HMMR: variants seen among roughly 807,000 people sequenced by gnomAD.
The protein encoded by HMMR is intracellular hyaluronic acid-binding protein.
Under a neutral mutation model 101.0 loss-of-function variants are expected in HMMR, and 108 were observed. The ratio of observed to expected loss-of-function variants is 1.07; its 90% CI spans 0.92 to 1.25. HMMR has a LOEUF of 1.25. Ranked by LOEUF, HMMR falls within the 50% of genes most tolerant of loss-of-function variation. The probability of loss-of-function intolerance (pLI) is 0.00; values close to 1 mark genes in which losing one functional copy is unlikely to be tolerated. For synonymous variants in HMMR, 296 were observed against 276.4 expected (o/e 1.07, Z -0.70); for missense variants, 813 against 788.7 (o/e 1.03, Z -0.37).
chr5:163,490,373 T>C lies in HMMR; in HGVS notation c.1963-17T>C, dbSNP rs963646628. ...TCTTTAATAATTGTTTATTACCTAT[T>C]ATTTCTTTTTACCTAGGAAGTATCA... On this transcript the variant is annotated splice_polypyrimidine_tract_variant and intron_variant, in intron 16 of 17. Coordinates refer to ENST00000393915, the MANE Select transcript of HMMR (RefSeq NM_001142556.2). 8 of 1,495,144 alleles carry C rather than the reference T, an allele frequency of 5.4e-6. No homozygotes were observed. The highest frequency in any genetic ancestry group is 2.0e-4 in the Middle Eastern group (1 of 5,040). 92.6% of individuals were successfully genotyped at this position (1,495,144 alleles called of 1,614,324 possible).
intron 16 of HMMR, among the ~76,000 whole-genome samples, chr5:163,489,861 G>A (rs1759621017): frequency 6.6e-6 from 1 of 152,230 alleles, no homozygotes; most frequent in African/African-American, 2.4e-5. Flanking sequence ...AGGGCCCTGT[G>A]CTTTTGGCTG....
intron 11 of HMMR, 94 bp from the exon 12 acceptor site, chr5:163,478,590 A>G (rs1759145918): frequency 2.6e-6 from 2 of 763,432 alleles, no homozygotes; most frequent in Non-Finnish European, 4.7e-6. Flanking sequence ...GATATGAGCT[A>G]TATGATTCAC....
chr5:163,468,017 A>G (rs1758757208), intron 4 of HMMR, among the ~76,000 whole-genome samples: 1 of 152,222 alleles, frequency 6.6e-6, no homozygotes, highest in African/African-American at 2.4e-5. Flanking sequence ...AGTTGATTAC[A>G]ATTATATATG....
At chr5:163,475,972 C>T (rs1323703666) in intron 11 of HMMR, among the ~76,000 whole-genome samples, 1 of 152,020 alleles carries the variant, frequency 6.6e-6, no homozygotes, top group Non-Finnish European at 1.5e-5. Context: ...CACTTCTTTA[C>T]TACTCTGCTA....
chr5:163,490,650 T>C, intron 17 of HMMR, 98 bp downstream of exon 17: 2 of 854,598 alleles, frequency 2.3e-6, no homozygotes, highest in Non-Finnish European at 3.8e-6. Context: ...GAAAATTTGT[T>C]GACACCTTCT....
Position 163,483,145 on chromosome 5 carries a change from GA to G in HMMR, c.1662del (p.Lys554AsnfsTer20). 6.2e-7 allele frequency: 1 copy of G among 1,611,848 alleles called. No homozygotes were observed. Among genetic ancestry groups the G allele is most frequent in the South Asian group, 1.1e-5 (1 of 90,666 alleles). ...CTCAAGCAACAGGAGGAAGACTTTA[GA>G]AAACAGCTGGAAGATGAAGAAGGAA... The part of the protein sequence containing the change: ...NQLKQQEEDF[R>X]KQLEDEEGRK... On this transcript the variant is annotated frameshift_variant, in exon 14 of 18. Transcript: ENST00000393915. LOFTEE classifies it high-confidence loss of function.
rs746671465 is a variant in HMMR at position 163,482,673 on chromosome 5, G to GATCT, written c.1418_1421dup (p.Lys475SerfsTer2). ...AGCGTTAACAGCCAGTGAGATAGAA[G>GATCT]ATCTTAAGCTGGAGAACTCATCATT... On this transcript the variant is annotated frameshift_variant, in exon 13 of 18. Transcript: ENST00000393915. LOFTEE classifies it high-confidence loss of function. 6.2e-7 allele frequency: 1 copy of GATCT among 1,612,320 alleles called. No homozygotes were observed. The highest frequency in any genetic ancestry group is 8.5e-7 in the Non-Finnish European group (1 of 1,178,454).
Position 163,472,657 on chromosome 5 carries a change from T to C in HMMR, c.651-522T>C, listed in dbSNP as rs1758935351. On this transcript the variant is annotated intron_variant, in intron 7 of 17. Coordinates refer to ENST00000393915, the MANE Select transcript of HMMR (RefSeq NM_001142556.2). ...TAGGTAGGAAGTGGTATCTCCTTTG[T>C]GATTTTAATTTGTTACCATGAATGT... Among the ~76,000 whole-genome samples, 4 of 152,212 alleles carry C rather than the reference T, an allele frequency of 2.6e-5. No homozygotes were observed. In the South Asian group the frequency reaches 8.3e-4, roughly 31 times the overall value.
At chr5:163,462,621 G>A (rs565045422) in intron 1 of HMMR, among the ~76,000 whole-genome samples, 33 of 152,124 alleles carry the variant, frequency 2.2e-4, no homozygotes, top group African/African-American at 7.9e-4. Flanking sequence ...GAGGTCAGGA[G>A]TTCAAGACCA....
Position 163,483,359 on chromosome 5 carries a change from C to A in HMMR, c.1777C>A (p.Pro593Thr), listed in dbSNP as rs748576185. 2.6e-6 allele frequency: 4 copies of A among 1,560,842 alleles called. No homozygotes were observed. The highest frequency in any genetic ancestry group is 1.4e-5 in the African/African-American group (1 of 73,408). The part of the protein sequence containing the change: ...LYEELYNKTK[P>T]FQLQLDAFEV... ...TGAAGAACTATATAATAAAACAAAA[C>A]CTTTTCAGGTTTGTCAGTTAGGAGT... The change falls in exon 15 of 18, where the codon CCT becomes ACT. Residue 593 changes from proline to threonine, a missense_variant. By Grantham distance (38) the Pro-to-Thr change is conservative. Transcript: ENST00000393915.
intron 3 of HMMR, among the ~76,000 whole-genome samples, chr5:163,465,963 CAAAAAA>C (rs113595179): frequency 2.3e-5 from 2 of 85,642 alleles, no homozygotes; most frequent in South Asian, 4.2e-4. Flanking sequence ...TCAGTCTCTC[CAAAAAA>C]AAAAAAAAAG....
chr5:163,482,927 T>C, intron 13 of HMMR, 93 bp from the exon 14 acceptor site: 1 of 1,362,570 alleles, frequency 7.3e-7, no homozygotes, highest in Non-Finnish European at 1.0e-6. Context: ...TGACACTTCT[T>C]GAAGAGTTCC....
intron 1 of HMMR, 46 bp from the exon 2 acceptor site, chr5:163,463,810 C>A: frequency 1.4e-6 from 1 of 717,384 alleles, no homozygotes; most frequent in Non-Finnish European, 2.1e-6. Flanking sequence ...AACTTAAGAT[C>A]ATAAGTAACA....
chr5:163,470,169 A>AAAAAC (rs1229711278), intron 5 of HMMR, among the ~76,000 whole-genome samples: 3 of 152,122 alleles, frequency 2.0e-5, no homozygotes, highest in Admixed American at 1.3e-4. Context: ...CTCCATCTCA[A>AAAAAC]AAAACAAAAC....
chr5:163,466,735 A>G (rs1334309459), intron 3 of HMMR, among the ~76,000 whole-genome samples: 1 of 152,186 alleles, frequency 6.6e-6, no homozygotes, highest in Non-Finnish European at 1.5e-5. Context: ...TGATAATTTT[A>G]TACCAATGAC....
chr5:163,476,022 T>A (rs1278672624), intron 11 of HMMR, among the ~76,000 whole-genome samples: 1 of 152,070 alleles, frequency 6.6e-6, no homozygotes, highest in African/African-American at 2.4e-5. Context: ...AGAACAATAA[T>A]CAACTCAGGG....
intron 11 of HMMR, among the ~76,000 whole-genome samples, chr5:163,476,165 A>G (rs1206501904): frequency 1.3e-5 from 2 of 152,066 alleles, no homozygotes; most frequent in Non-Finnish European, 2.9e-5. Context: ...ATTAAAAAAA[A>G]AACTAGCTGG....
At position 163,473,390 on chromosome 5, in the gene HMMR, A is replaced by G; in HGVS notation, c.737A>G (p.Asp246Gly). 6.2e-7 allele frequency: 1 copy of G among 1,609,748 alleles called. No homozygotes were observed. Among genetic ancestry groups the G allele is most frequent in the Non-Finnish European group, 8.5e-7 (1 of 1,177,918 alleles). ...EYIEEISCAS[D>G]QVEKYKLDIA... Reference sequence around the variant, plus strand: ...TTGTTTTAATGCAGTTGTGCTTCAGATCAAGTGGAAAAATACAAGCTAGAT... The same window carrying G: ...TTGTTTTAATGCAGTTGTGCTTCAGGTCAAGTGGAAAAATACAAGCTAGAT... Residue 246 changes from aspartate (D) to glycine (G), a missense_variant, in exon 9 of 18, where the codon GAT becomes GGT. By Grantham distance (94) the Asp-to-Gly change is moderately conservative. Coordinates refer to ENST00000393915, the MANE Select transcript of HMMR (RefSeq NM_001142556.2).
intron 13 of HMMR, 31 bp downstream of exon 13, chr5:163,482,819 A>T (rs890323941): frequency 3.1e-5 from 50 of 1,590,648 alleles, no homozygotes; most frequent in Non-Finnish European, 4.0e-5. Flanking sequence ...CCTTAGAACC[A>T]TTAAGACAAT....
Sources: gnomAD v4.1 joint callset for allele counts (sites outside exome capture counted in the v4.1 genomes callset) on GRCh38, gnomAD v4.1.1 for gene constraint, MANE v1.5 for transcripts, NCBI Gene and HGNC (gene_info 2026-07-23, HGNC 2026-07-21) for gene names.